Variants in HIVEP3 observed in about 807,000 individuals in gnomAD.
HIVEP3 encodes the protein transcription factor HIVEP3.
A neutral mutation model predicts 152.8 loss-of-function variants in HIVEP3; 49 were observed. That is an observed-to-expected ratio of 0.32 (90% CI 0.26 to 0.41). The LOEUF (loss-of-function observed/expected upper bound fraction) is 0.41, where lower values mean the gene tolerates loss of function less well. HIVEP3 is among the 10% of genes least tolerant of loss of function. The pLI is 1.00. For synonymous variants in HIVEP3, 1,269 were observed against 1,289.0 expected, an observed-to-expected ratio of 0.98 and a Z score of 0.33; for missense variants, 2,790 against 3,103.3, an observed-to-expected ratio of 0.90 and a Z score of 2.40.
Position 41,567,066 on chromosome 1 carries a change from A to G in HIVEP3, c.5207+8478T>C, listed in dbSNP as rs865947502. Among the ~76,000 whole-genome samples the G allele has an allele frequency of 1.6e-4, 24 of 152,246 alleles. No homozygotes were observed. In the Middle Eastern group the frequency reaches 0.014, roughly 86 times the overall value. ...CCTGAACATCTCCACTTGGCCTGGC[A>G]TCTCAAAAGTCACATGTCCAACAAG... On this transcript the variant is annotated intron_variant, in intron 5 of 8. Transcript: ENST00000372583.
In HIVEP3 at chr1:41,511,195, G is replaced by A. The variant is rs780028963; in HGVS notation, c.6477C>T (p.Ser2159=). The A allele has an allele frequency of 4.7e-5, 76 of 1,614,086 alleles. No homozygotes were observed. The highest frequency in any genetic ancestry group is 1.1e-4 in the South Asian group (10 of 91,088). ...TGTGGCCGTGGAAGTCATGGAGGGC[G>A]GAGAAGGGTCGGGAGGAGAGAGGAT... ...PAHPLSSRPF[S]ALHDFHGHIL... is the part of the protein sequence containing the mutation. The change falls in exon 9 of 9, where the codon TCC becomes TCT. Residue 2159 remains serine, a synonymous_variant. Coordinates refer to ENST00000372583, the MANE Select transcript of HIVEP3 (RefSeq NM_024503.5). This position sits in a 1 kb window ranked among gnomAD's most constrained non-coding sequence, Gnocchi z 4.9.
chr1:41,998,602 T>A (rs1305829740), intron 1 of HIVEP3, among the ~76,000 whole-genome samples: 1 of 152,170 alleles, frequency 6.6e-6, no homozygotes, highest in Non-Finnish European at 1.5e-5. Context: ...CTTAGTTCTG[T>A]CAAATGTAAA....
intron 6 of HIVEP3, among the ~76,000 whole-genome samples, chr1:41,520,040 A>C (rs936986552): frequency 1.3e-5 from 2 of 152,220 alleles, no homozygotes; most frequent in Non-Finnish European, 2.9e-5. Flanking sequence ...GGGAGGACAA[A>C]TGGGAGAATG....
intron 5 of HIVEP3, among the ~76,000 whole-genome samples, chr1:41,530,417 C>T (rs982956605): frequency 1.3e-5 from 2 of 152,272 alleles, no homozygotes; most frequent in African/African-American, 2.4e-5. Context: ...GTTGCTCACA[C>T]CTGGATCTTA....
rs925046387 is a variant in HIVEP3 at position 41,533,830 on chromosome 1, C to T, written c.5208-8920G>A. ...CTCGAGTTCCGATGCCTTTGCTATA[C>T]ATCTAACTGCCTTAGTATCACCTCT... On this transcript the variant is annotated intron_variant, in intron 5 of 8. Coordinates refer to ENST00000372583, the MANE Select transcript of HIVEP3 (RefSeq NM_024503.5). The surrounding 1 kb of genome is among the most constrained non-coding windows in gnomAD (Gnocchi z 4.3). Among the ~76,000 whole-genome samples the T allele has an allele frequency of 6.6e-6, 1 of 152,090 alleles. No homozygotes were observed. The highest frequency in any genetic ancestry group is 1.5e-5 in the Non-Finnish European group (1 of 68,026).
chr1:41,922,949 AT>A (rs1012821007), upstream of HIVEP3, among the ~76,000 whole-genome samples: 6 of 152,150 alleles, frequency 3.9e-5, no homozygotes, highest in South Asian at 2.1e-4. Flanking sequence ...GAAAATAAGG[AT>A]TTTTTTTAGG....
chr1:41,909,343 T>C (rs1644761920), intron 1 of HIVEP3, among the ~76,000 whole-genome samples: 1 of 152,124 alleles, frequency 6.6e-6, no homozygotes, highest in Non-Finnish European at 1.5e-5. Flanking sequence ...TACATTAATA[T>C]TAATCAGAAT....
intron 4 of HIVEP3, among the ~76,000 whole-genome samples, chr1:41,576,354 G>A (rs1002095404): frequency 1.4e-4 from 21 of 152,202 alleles, no homozygotes; most frequent in Non-Finnish European, 7.3e-5. Flanking sequence ...CAGGACCCAC[G>A]CTCTTTACAG....
intron 2 of HIVEP3, among the ~76,000 whole-genome samples, chr1:41,690,745 C>T (rs1018217857): frequency 6.6e-6 from 1 of 152,144 alleles, no homozygotes; most frequent in Admixed American, 6.5e-5. Flanking sequence ...TGGTGAAACG[C>T]TGTCTCTACT....
At chr1:41,815,954 C>T (rs1191595330) in intron 1 of HIVEP3, among the ~76,000 whole-genome samples, 1 of 152,078 alleles carries the variant, frequency 6.6e-6, no homozygotes, top group Non-Finnish European at 1.5e-5. Context: ...AGAATTAAAC[C>T]ACTGAAGCCC....
At chr1:41,598,119 G>C (rs929156483) in intron 3 of HIVEP3, among the ~76,000 whole-genome samples, 1 of 152,156 alleles carries the variant, frequency 6.6e-6, no homozygotes, top group African/African-American at 2.4e-5. Context: ...AGAGCTTAGG[G>C]AAGAACAAAG....
rs1644317077 is a variant in HIVEP3 at position 41,575,655 on chromosome 1, T to G, written c.5096A>C (p.Gln1699Pro). 1 of 1,614,150 alleles carries G rather than the reference T, an allele frequency of 6.2e-7. No individual in the cohort carries two copies. Among genetic ancestry groups the G allele is most frequent in the Non-Finnish European group, 8.5e-7 (1 of 1,180,002 alleles). ...CTTCTCCACTCTAGCTAGATCTTTCTGGCCTTCCGGGGAAACCAGTGAAGG... is the reference window on the plus strand; with the variant it reads ...CTTCTCCACTCTAGCTAGATCTTTCGGGCCTTCCGGGGAAACCAGTGAAGG... Reference protein sequence around the residue: ...HLPSLVSPEGQKDLARVEKEE... With the variant: ...HLPSLVSPEGPKDLARVEKEE... The change falls in exon 5 of 9, where the codon CAG (glutamine) becomes CCG (proline). Residue 1699 changes from glutamine to proline, a missense_variant. Physicochemically the swap from Gln to Pro is moderately conservative, Grantham distance 76 (BLOSUM62 -1). Around this residue, in one of 9 missense-constraint regions of HIVEP3, gnomAD observed 1,078 missense variants for 1,165.3 expected, o/e 0.93. Transcript: ENST00000372583.
chr1:41,647,167 T>C (rs34089346), intron 2 of HIVEP3, among the ~76,000 whole-genome samples: 5,405 of 152,220 alleles, frequency 0.036, 149 homozygotes, highest in East Asian at 0.095. Context: ...CTACCTTCCC[T>C]CCCCTTTGCC....
In HIVEP3 at chr1:41,963,106, G is replaced by C. The variant is rs572197469; in HGVS notation, n.120-44582C>G. ...GGCTCACTGCAAACTCTGCCTCCCG[G>C]GTTCATGCCATTCTCCTGCCTCAGC... On this transcript the variant is annotated intron_variant and non_coding_transcript_variant, in intron 1 of 3. Coordinates refer to the HIVEP3 transcript ENST00000489103. Among the ~76,000 whole-genome samples the C allele has an allele frequency of 4.7e-4, 72 of 152,254 alleles. 1 individual carries two copies. In the East Asian group the frequency reaches 0.012, roughly 26 times the overall value.
At chr1:41,945,240 A>T (rs1645068548) in intron 1 of HIVEP3, among the ~76,000 whole-genome samples, 1 of 152,166 alleles carries the variant, frequency 6.6e-6, no homozygotes, top group South Asian at 2.1e-4. Flanking sequence ...AACGGTACAA[A>T]AGGAGATAGA....
At chr1:41,775,946 G>A (rs557096683) in intron 1 of HIVEP3, among the ~76,000 whole-genome samples, 205 of 152,348 alleles carry the variant, frequency 1.3e-3, no homozygotes, top group African/African-American at 4.7e-3. Flanking sequence ...GTTATGTGCA[G>A]TTACATGTGG....
intron 1 of HIVEP3, among the ~76,000 whole-genome samples, chr1:41,810,696 A>T (rs349444): frequency 0.38 from 57,353 of 152,182 alleles, 11,357 homozygotes; most frequent in African/African-American, 0.47. Context: ...CCCTAAAAAC[A>T]GTGTCATGGT....
chr1:41,520,746 A>C (rs1642740150), intron 6 of HIVEP3, among the ~76,000 whole-genome samples: 1 of 152,224 alleles, frequency 6.6e-6, no homozygotes, highest in Non-Finnish European at 1.5e-5. Context: ...ATGTATGGGA[A>C]ATGCCCTTGT....
chr1:42,035,785 C>T (rs1322099711), intron 1 of HIVEP3: 1 of 151,446 alleles, frequency 6.6e-6, no homozygotes, highest in Non-Finnish European at 1.5e-5. Flanking sequence ...CGCGATGGCT[C>T]GGCAGCCGCG....
Sources: allele counts gnomAD v4.1 joint callset (sites outside exome capture counted in the v4.1 genomes callset), GRCh38; gene constraint gnomAD v4.1.1; regional missense constraint gnomAD v4.1.1; non-coding constraint Gnocchi (gnomAD v3.1); transcripts MANE v1.5; gene names NCBI Gene and HGNC (gene_info 2026-07-23, HGNC 2026-07-21).